HYDIN: variants seen among roughly 807,000 people sequenced by gnomAD.
The protein encoded by HYDIN is HYDIN axonemal central pair apparatus protein.
HYDIN carries 132 observed loss-of-function variants against 403.9 expected under a neutral mutation model. The observed-to-expected ratio is 0.33, with a 90% CI of 0.28 to 0.38. The LOEUF is 0.38. Ranked by LOEUF, HYDIN falls within the 10% of genes least tolerant of loss-of-function variation. The probability of loss-of-function intolerance (pLI) is 1.00; values close to 1 mark genes in which losing one functional copy is unlikely to be tolerated. For synonymous variants in HYDIN, 1,202 were observed against 1,891.7 expected (o/e 0.64, Z 9.46); for missense variants, 2,827 against 5,009.5 (o/e 0.56, Z 13.15).
chr16:71,211,939 T>C (rs1321040795), intron 1 of HYDIN, among the ~76,000 whole-genome samples: 1 of 152,176 alleles, frequency 6.6e-6, no homozygotes, highest in Admixed American at 6.5e-5. Flanking sequence ...CACGGGAATC[T>C]AAGAAAAAAT....
At chr16:71,151,553 T>A (rs1043239500) in intron 7 of HYDIN, among the ~76,000 whole-genome samples, 14 of 152,112 alleles carry the variant, frequency 9.2e-5, no homozygotes, top group Non-Finnish European at 1.8e-4. Context: ...TGACACCAGT[T>A]AGGTTGGATT....
At chr16:70,921,835 T>A (rs1320423622) in intron 45 of HYDIN, among the ~76,000 whole-genome samples, 1 of 152,234 alleles carries the variant, frequency 6.6e-6, no homozygotes, top group Non-Finnish European at 1.5e-5. Context: ...TGGCTGCACC[T>A]CAGGCTTTTA....
chr16:71,153,966 G>C (rs1441171080), intron 6 of HYDIN, among the ~76,000 whole-genome samples: 5 of 149,596 alleles, frequency 3.3e-5, no homozygotes, highest in Non-Finnish European at 7.4e-5. Flanking sequence ...TAAATTGCTA[G>C]TTTTTCAAAG....
chr16:71,190,772 T>C (rs1227513533), intron 1 of HYDIN, among the ~76,000 whole-genome samples: 5 of 152,206 alleles, frequency 3.3e-5, no homozygotes, highest in South Asian at 2.1e-4. Flanking sequence ...TGCCTCCTGA[T>C]GTGACGCAGT....
intron 75 of HYDIN, among the ~76,000 whole-genome samples, chr16:70,845,628 C>T (rs1392974854): frequency 7.8e-6 from 1 of 128,808 alleles, no homozygotes; most frequent in Non-Finnish European, 1.5e-5. Context: ...ACCAGTTCCT[C>T]CTTGTACCTC....
At chr16:71,016,154 C>A (rs532674726) in intron 23 of HYDIN, among the ~76,000 whole-genome samples, 11 of 152,024 alleles carry the variant, frequency 7.2e-5, no homozygotes, top group African/African-American at 2.4e-4. Context: ...AAAGCTTCTG[C>A]GCAGCAAAGG....
chr16:71,225,176 G>T (rs75705321), intron 1 of HYDIN, among the ~76,000 whole-genome samples: 1 of 152,020 alleles, frequency 6.6e-6, no homozygotes, highest in African/African-American at 2.4e-5. Flanking sequence ...AAGAGTGTAG[G>T]GTTCTCCGTT....
chr16:70,962,102 G>C lies in HYDIN; in HGVS notation c.5825C>G (p.Ser1942Cys). ...EDITSSDQGT[S>C]NSTKRTSLSR... ...CAGCGATGTCCTCTTTGTGCTATTG[G>C]AGGTTCCCTGATCTGATGAGGTTAT... The change falls in exon 38 of 86, where the codon TCC becomes TGC. Residue 1942 changes from serine (S) to cysteine (C), a missense_variant. Transcript: ENST00000393567. 1 of 963,870 alleles carries C rather than the reference G, an allele frequency of 1.0e-6. No individual in the cohort carries two copies. The highest frequency in any genetic ancestry group is 1.7e-5 in the South Asian group (1 of 57,212). The allele number at this position is 963,870 out of a possible 1,614,324, so 59.7% of individuals were successfully genotyped here.
At chr16:71,030,883 C>G (rs1323301729) in intron 19 of HYDIN, among the ~76,000 whole-genome samples, 1 of 151,926 alleles carries the variant, frequency 6.6e-6, no homozygotes, top group Non-Finnish European at 1.5e-5. Flanking sequence ...CTATGGGAGT[C>G]AAGTAGAGGA....
rs1256702806 is a variant in HYDIN, at chr16:71,135,892, G to A, written c.1043+1259C>T. On this transcript the variant is annotated intron_variant, in intron 8 of 85. Transcript: ENST00000393567. ...TGGCCCACTGTGTCCTGTCATTGTC[G>A]TGGCTTCTGATTCAATTAGGGACTG... 5.4e-5 allele frequency among the ~76,000 whole-genome samples: 8 copies of A among 149,068 alleles called. No individual in the cohort carries two copies. In the East Asian group the frequency reaches 1.2e-3, roughly 23 times the overall value.
intron 1 of HYDIN, among the ~76,000 whole-genome samples, chr16:71,227,519 A>C (rs543118105): frequency 6.6e-6 from 1 of 152,300 alleles, no homozygotes; most frequent in East Asian, 1.9e-4. Flanking sequence ...ATACACCAAT[A>C]ACAGACAAAC....
At chr16:71,179,154 G>C in intron 3 of HYDIN, 107 bp from the exon 4 acceptor site, 1 of 782,056 alleles carries the variant, frequency 1.3e-6, no homozygotes, top group East Asian at 2.7e-5. Context: ...CTAAACATGG[G>C]AAATATTCAA....
In HYDIN at chr16:70,803,470, C is replaced by G. The variant is rs1465590090; in HGVS notation, c.*4110G>C. On this transcript the variant is annotated 3_prime_UTR_variant, in exon 86 of 86. Coordinates refer to ENST00000393567, the MANE Select transcript of HYDIN (RefSeq NM_001270974.2). ...TCTAGACTAGGGGATAACTGATGTGCCTGACTGCATACTAGTCATTATTTC... is the reference window on the plus strand; with the variant it reads ...TCTAGACTAGGGGATAACTGATGTGGCTGACTGCATACTAGTCATTATTTC... 2.0e-5 allele frequency among the ~76,000 whole-genome samples: 3 copies of G among 152,196 alleles called. No homozygotes were observed. The highest frequency in any genetic ancestry group is 4.4e-5 in the Non-Finnish European group (3 of 68,050).
intron 1 of HYDIN, among the ~76,000 whole-genome samples, chr16:71,226,844 A>G (rs2041054793): frequency 6.6e-6 from 1 of 152,102 alleles, no homozygotes; most frequent in South Asian, 2.1e-4. Context: ...ACTCCTCCCT[A>G]ATTCCTGTTT....
intron 45 of HYDIN, among the ~76,000 whole-genome samples, chr16:70,923,647 C>CAAAAAAAA (rs57860871): frequency 2.5e-3 from 173 of 69,230 alleles, no homozygotes; most frequent in Admixed American, 4.6e-3. Context: ...CTAAAAAATA[C>CAAAAAAAA]AAAAAAAAAA....
At chr16:70,906,394 C>T (rs1753938441) in intron 50 of HYDIN, among the ~76,000 whole-genome samples, 1 of 151,856 alleles carries the variant, frequency 6.6e-6, no homozygotes, top group Admixed American at 6.6e-5. Context: ...AGTCTCCTCA[C>T]CCTTCCAATC....
At chr16:70,823,888 T>C (rs1389817960) in intron 83 of HYDIN, among the ~76,000 whole-genome samples, 1 of 145,700 alleles carries the variant, frequency 6.9e-6, no homozygotes, top group Non-Finnish European at 1.5e-5. Context: ...TGTGCTTTGC[T>C]TGGACTCTAG....
rs760123464 is a variant in HYDIN at position 70,992,064 on chromosome 16, A to G, written c.3785+6T>C. 3 of 1,613,824 alleles carry G rather than the reference A, an allele frequency of 1.9e-6. No individual in the cohort carries two copies. Among genetic ancestry groups the G allele is most frequent in the Non-Finnish European group, 2.5e-6 (3 of 1,179,880 alleles). On this transcript the variant is annotated splice_donor_region_variant and intron_variant, in intron 24 of 85. Coordinates refer to ENST00000393567, the MANE Select transcript of HYDIN (RefSeq NM_001270974.2). ...TACAAATAATCTATGTTGGCTTTGCACTTACTTAACAAAATCATTTAAATC... is the reference window on the plus strand; with the variant it reads ...TACAAATAATCTATGTTGGCTTTGCGCTTACTTAACAAAATCATTTAAATC...
intron 9 of HYDIN, among the ~76,000 whole-genome samples, chr16:71,116,266 CAT>C (rs1597813013): frequency 7.4e-6 from 1 of 134,490 alleles, no homozygotes; most frequent in East Asian, 2.3e-4. Context: ...ATTTCACACA[CAT>C]ATGAGTGAGA....
Sources: allele counts gnomAD v4.1 joint callset (sites outside exome capture counted in the v4.1 genomes callset), GRCh38; gene constraint gnomAD v4.1.1; transcripts MANE v1.5; gene names NCBI Gene and HGNC (gene_info 2026-07-23, HGNC 2026-07-21).